Variants in SMAD3 observed in about 807,000 individuals in gnomAD.
The protein encoded by SMAD3 is MAD homolog 3.
A neutral mutation model predicts 51.8 loss-of-function variants in SMAD3; 12 were observed. The observed-to-expected ratio is 0.23, with a 90% CI of 0.15 to 0.38. The LOEUF (loss-of-function observed/expected upper bound fraction) is 0.38, where lower values mean the gene tolerates loss of function less well. Among genes scored for constraint, SMAD3 ranks in the 10% least tolerant of loss-of-function variants. The pLI is 1.00. For missense variants in SMAD3, 294 were observed against 565.6 expected, an observed-to-expected ratio of 0.52 and a Z score of 4.87; for synonymous variants, 238 against 227.7, an observed-to-expected ratio of 1.05 and a Z score of -0.41.
chr15:67,124,264 C>T (rs1230593392), intron 1 of SMAD3, among the ~76,000 whole-genome samples: 1 of 152,210 alleles, frequency 6.6e-6, no homozygotes, highest in Non-Finnish European at 1.5e-5. Flanking sequence ...GGTAAGATTA[C>T]AGGCATATGC....
intron 1 of SMAD3, among the ~76,000 whole-genome samples, chr15:67,104,695 C>G (rs1005344170): frequency 1.3e-5 from 2 of 152,266 alleles, no homozygotes. Context: ...CACTATACTC[C>G]GTGTTATCTT....
intron 1 of SMAD3, among the ~76,000 whole-genome samples, chr15:67,109,828 A>G (rs1595904461): frequency 1.3e-5 from 2 of 152,306 alleles, no homozygotes; most frequent in Non-Finnish European, 2.9e-5. Flanking sequence ...TGGGCCCCAC[A>G]GGAAGCAGGG....
At chr15:67,084,152 T>G (rs902311067) in intron 1 of SMAD3, among the ~76,000 whole-genome samples, 1 of 139,462 alleles carries the variant, frequency 7.2e-6, no homozygotes, top group Non-Finnish European at 1.5e-5. Flanking sequence ...CTCGGCTCAC[T>G]GCAAGCTCTG....
chr15:67,111,647 C>T (rs1157097455), intron 1 of SMAD3, among the ~76,000 whole-genome samples: 2 of 152,214 alleles, frequency 1.3e-5, no homozygotes, highest in East Asian at 3.8e-4. Context: ...TCTCCCCATC[C>T]TTGTCAACAC....
chr15:67,069,483 C>T (rs922508219), intron 1 of SMAD3, among the ~76,000 whole-genome samples: 7 of 152,128 alleles, frequency 4.6e-5, no homozygotes, highest in South Asian at 2.1e-4. Flanking sequence ...ATAAGGAGCT[C>T]GGCACACTTA....
At chr15:67,074,608 G>A (rs921913718) in intron 1 of SMAD3, among the ~76,000 whole-genome samples, 2 of 152,234 alleles carry the variant, frequency 1.3e-5, no homozygotes, top group African/African-American at 4.8e-5. Context: ...CATCTGGCAA[G>A]TTTTTCTCTT....
At chr15:67,089,698 C>T (rs1038425222) in intron 1 of SMAD3, among the ~76,000 whole-genome samples, 1 of 152,230 alleles carries the variant, frequency 6.6e-6, no homozygotes, top group African/African-American at 2.4e-5. Context: ...AAGGGGGACA[C>T]CACTACTTTC....
chr15:67,087,202 C>T (rs935864325), intron 1 of SMAD3, among the ~76,000 whole-genome samples: 3 of 152,126 alleles, frequency 2.0e-5, no homozygotes, highest in African/African-American at 7.2e-5. Flanking sequence ...TCCTTTCTAA[C>T]GTGATGTCAG....
At chr15:67,089,341 T>C (rs781574095) in intron 1 of SMAD3, among the ~76,000 whole-genome samples, 1 of 152,186 alleles carries the variant, frequency 6.6e-6, no homozygotes, top group African/African-American at 2.4e-5. Context: ...TCTATGCCAG[T>C]CTTCGTCCTC....
chr15:67,172,854 C>T (rs1025930667), intron 5 of SMAD3, among the ~76,000 whole-genome samples: 4 of 152,146 alleles, frequency 2.6e-5, no homozygotes, highest in African/African-American at 4.8e-5. Flanking sequence ...AAGGCTCAGA[C>T]AAGGCATTTG....
intron 6 of SMAD3, among the ~76,000 whole-genome samples, chr15:67,184,101 CT>C (rs557069329): frequency 4.6e-3 from 633 of 136,694 alleles, no homozygotes; most frequent in African/African-American, 7.5e-3. Context: ...TCATCATTCC[CT>C]TTTTTTTTTT....
chr15:67,122,217 A>T (rs1171271920), intron 1 of SMAD3, among the ~76,000 whole-genome samples: 2 of 152,254 alleles, frequency 1.3e-5, no homozygotes, highest in African/African-American at 2.4e-5. Flanking sequence ...TTCATTTTAC[A>T]CATGAGGAAA....
chr15:67,176,999 C>T (rs991927230), intron 5 of SMAD3, among the ~76,000 whole-genome samples: 3 of 152,224 alleles, frequency 2.0e-5, no homozygotes, highest in African/African-American at 4.8e-5. Flanking sequence ...CCTTACCCCC[C>T]GTAGTCATTC....
chr15:67,083,847 G>C (rs945026786), intron 1 of SMAD3, among the ~76,000 whole-genome samples: 7 of 152,186 alleles, frequency 4.6e-5, no homozygotes, highest in Non-Finnish European at 1.0e-4. Context: ...GAATTAGCAA[G>C]TGAACAAATA....
chr15:67,083,258 A>C (rs1960316191), intron 1 of SMAD3, among the ~76,000 whole-genome samples: 1 of 152,254 alleles, frequency 6.6e-6, no homozygotes, highest in Non-Finnish European at 1.5e-5. Context: ...CCTGACGGCC[A>C]TGCCAGGGTG....
chr15:67,165,888 C>T (rs993428389), intron 3 of SMAD3: 14 of 165,026 alleles, frequency 8.5e-5, no homozygotes, highest in African/African-American at 1.2e-4. Flanking sequence ...TGGGCTTTGC[C>T]GTCAAAGACT....
chr15:67,165,440 G>A (rs1962557553), intron 3 of SMAD3, 56 bp downstream of exon 3: 10 of 1,600,298 alleles, frequency 6.2e-6, no homozygotes, highest in South Asian at 1.1e-5. Flanking sequence ...GGTCAGCCCC[G>A]ACATCAGTCC....
chr15:67,168,488 C>T (rs747262187), intron 4 of SMAD3, among the ~76,000 whole-genome samples: 4 of 152,244 alleles, frequency 2.6e-5, no homozygotes, highest in Non-Finnish European at 5.9e-5. Flanking sequence ...AGCGGAGCAG[C>T]ATGTCTCCAG....
intron 5 of SMAD3, among the ~76,000 whole-genome samples, chr15:67,181,018 C>T (rs1021246868): frequency 1.4e-5 from 2 of 146,682 alleles, no homozygotes; most frequent in African/African-American, 5.0e-5. Flanking sequence ...AAAGAGAAAT[C>T]AATGGCCCTT....
Sources: allele counts gnomAD v4.1 joint callset (sites outside exome capture counted in the v4.1 genomes callset), GRCh38; gene constraint gnomAD v4.1.1; transcripts MANE v1.5; gene names NCBI Gene and HGNC (gene_info 2026-07-23, HGNC 2026-07-21).